Variants in STK11IP observed in about 807,000 individuals in gnomAD.
The protein encoded by STK11IP is serine/threonine-protein kinase 11-interacting protein.
In STK11IP, 103 loss-of-function variants were observed where a neutral mutation model predicts 131.7. That is an observed-to-expected ratio of 0.78 (90% CI 0.67 to 0.92). The LOEUF is 0.92. Among genes scored for constraint, STK11IP ranks in the 40% least tolerant of loss-of-function variants. STK11IP has a pLI of 0.00. For missense variants in STK11IP, 1,315 were observed against 1,385.7 expected, an observed-to-expected ratio of 0.95 and a Z score of 0.81; for synonymous variants, 557 against 575.6, an observed-to-expected ratio of 0.97 and a Z score of 0.46.
In STK11IP at chr2:219,613,196, G is replaced by A; in HGVS notation, c.2508G>A (p.Leu836=). 1.2e-6 allele frequency: 2 copies of A among 1,609,096 alleles called. No homozygotes were observed. Among genetic ancestry groups the A allele is most frequent in the Non-Finnish European group, 1.7e-6 (2 of 1,178,196 alleles). The change falls in exon 20 of 25, where the codon CTG becomes CTA. Residue 836 remains leucine, a synonymous_variant. Transcript: ENST00000456909. The part of the protein sequence containing the change: ...MCLVVVSDRR[L]YLLKVTGEMR... ...TTGTGGTTGTGTCTGACCGCAGGCTGTACCTGTTGAAGGTGACTGGGGAGA... is the reference window on the plus strand; with the variant it reads ...TTGTGGTTGTGTCTGACCGCAGGCTATACCTGTTGAAGGTGACTGGGGAGA...
At chr2:219,600,476 G>C (rs949673953) in intron 2 of STK11IP, among the ~76,000 whole-genome samples, 4 of 152,162 alleles carry the variant, frequency 2.6e-5, no homozygotes, top group African/African-American at 9.7e-5. Flanking sequence ...GGATACAGGG[G>C]ACCTTTCTGT....
intron 20 of STK11IP, 21 bp downstream of exon 20, chr2:219,613,246 A>C: frequency 1.0e-6 from 1 of 963,638 alleles, no homozygotes; most frequent in Non-Finnish European, 1.5e-6. Flanking sequence ...GGGGAGATGC[A>C]GTGAGTAAGG....
In STK11IP at chr2:219,605,743, G is replaced by A. The variant is rs1345428964; in HGVS notation, c.745+9G>A. On this transcript the variant is annotated intron_variant, in intron 8 of 24. Transcript: ENST00000456909. The stretch of plus-strand genomic sequence containing the variant: ...GCTTCGGAGCCTGCATGGTGAGTGG[G>A]GGTGTGTGATGGGGCAAGCATGGAG... 4.4e-6 allele frequency: 7 copies of A among 1,597,732 alleles called. No homozygotes were observed. The highest frequency in any genetic ancestry group is 1.1e-5 in the South Asian group (1 of 88,402).
chr2:219,601,410 C>A lies in STK11IP; in HGVS notation c.237C>A (p.Phe79Leu). 6.2e-7 allele frequency: 1 copy of A among 1,614,008 alleles called. No individual in the cohort carries two copies. ...TTATTCTTCAGCTTCAGTTTCTCTTCGATGTGCTGCAGAAAACACTTTCAC... is the reference window on the plus strand; with the variant it reads ...TTATTCTTCAGCTTCAGTTTCTCTTAGATGTGCTGCAGAAAACACTTTCAC... ...SPVILQLQFL[F>L]DVLQKTLSLK... The change falls in exon 3 of 25, where the codon TTC (phenylalanine) becomes TTA (leucine). Residue 79 changes from phenylalanine to leucine, a missense_variant. Physicochemically the swap from Phe to Leu is conservative, Grantham distance 22. Transcript: ENST00000456909.
chr2:219,606,853 G>T lies in STK11IP; in HGVS notation c.1129G>T (p.Val377Phe). The T allele has an allele frequency of 6.2e-7, 1 of 1,610,522 alleles. No homozygotes were observed. The change falls in exon 12 of 25, where the codon GTT (valine) becomes TTT (phenylalanine). Residue 377 changes from valine (V) to phenylalanine (F), a missense_variant. Val to Phe is a conservative substitution (Grantham distance 50, BLOSUM62 -1). Coordinates refer to ENST00000456909, the MANE Select transcript of STK11IP (RefSeq NM_052902.4). ...GVVTQPLLHK[V>F]KSRVRVRRAS... ...TGTGACCCAGCCCCTGCTTCATAAG[G>T]TTAAGGTAAGCAGCGTCCTCCGCTG...
At chr2:219,611,162 C>T (rs1698384389) in intron 17 of STK11IP, among the ~76,000 whole-genome samples, 1 of 152,188 alleles carries the variant, frequency 6.6e-6, no homozygotes. Flanking sequence ...CCCATGATTA[C>T]AGAGCCATTA....
intron 2 of STK11IP, among the ~76,000 whole-genome samples, chr2:219,600,566 A>T (rs2106145042): frequency 6.6e-6 from 1 of 152,338 alleles, no homozygotes; most frequent in African/African-American, 2.4e-5. Context: ...CCTAGCTTGT[A>T]GCTGCACTTT....
chr2:219,611,573 C>A, intron 17 of STK11IP, 31 bp from the exon 18 acceptor site: 1 of 1,554,882 alleles, frequency 6.4e-7, no homozygotes, highest in Non-Finnish European at 8.9e-7. Flanking sequence ...GTGGGGGGGG[C>A]TCATGGGGAC....
chr2:219,608,132 T>C lies in STK11IP; in HGVS notation c.1305T>C (p.Ser435=), dbSNP rs1468263529. ...GCCGCAACTGGCTGCAGTACAGGAG[T>C]CACCTGGAGCCCTCCGGAAACCCTC... The part of the protein sequence containing the change: ...RFGRNWLQYR[S]HLEPSGNPLP... Residue 435 remains serine (S), a synonymous_variant, in exon 14 of 25, where the codon AGT becomes AGC. Coordinates refer to ENST00000456909, the MANE Select transcript of STK11IP (RefSeq NM_052902.4). 1.2e-6 allele frequency: 2 copies of C among 1,613,000 alleles called. No homozygotes were observed. Among genetic ancestry groups the C allele is most frequent in the Admixed American group, 1.7e-5 (1 of 59,972 alleles).
chr2:219,609,876 A>G (rs923184752), intron 17 of STK11IP, among the ~76,000 whole-genome samples: 1 of 152,068 alleles, frequency 6.6e-6, no homozygotes, highest in African/African-American at 2.4e-5. Context: ...TTCAGACACT[A>G]CATAAAACCT....
rs371492791 is a variant in STK11IP, at chr2:219,608,141, G to A, written c.1314G>A (p.Glu438=). The part of the protein sequence containing the change: ...RNWLQYRSHL[E]PSGNPLPATP... ...GGCTGCAGTACAGGAGTCACCTGGA[G>A]CCCTCCGGAAACCCTCTGCCGGCCA... Residue 438 remains glutamate (E), a synonymous_variant, in exon 14 of 25, where the codon GAG becomes GAA. Coordinates refer to ENST00000456909, the MANE Select transcript of STK11IP (RefSeq NM_052902.4). 1.5e-4 allele frequency: 238 copies of A among 1,613,476 alleles called. 1 individual carries two copies. The African/African-American group carries it at 2.3e-3, about 16-fold the overall frequency.
Position 219,597,869 on chromosome 2 carries a change from T to C in STK11IP, c.-81T>C. On this transcript the variant is annotated 5_prime_UTR_variant, in exon 1 of 25. Coordinates refer to ENST00000456909, the MANE Select transcript of STK11IP (RefSeq NM_052902.4). ...CTTCCGGGGCGGGACTTCCTTTCCA[T>C]CATTGATAGGCGCCGGGCAGCTGAG... The C allele has an allele frequency of 1.9e-6, 3 of 1,601,400 alleles. No homozygotes were observed. Among genetic ancestry groups the C allele is most frequent in the Non-Finnish European group, 2.6e-6 (3 of 1,174,554 alleles).
chr2:219,602,865 C>T (rs1645687446), intron 7 of STK11IP, 89 bp downstream of exon 7: 12 of 1,317,106 alleles, frequency 9.1e-6, no homozygotes, highest in Non-Finnish European at 1.3e-5. Context: ...TTTACTCCCA[C>T]CTTGCTCTTG....
chr2:219,597,891 T>C lies in STK11IP; in HGVS notation c.-59T>C. ...CCATCATTGATAGGCGCCGGGCAGC[T>C]GAGCTGGTAGGAGGACCAGACGGGG... On this transcript the variant is annotated 5_prime_UTR_variant, in exon 1 of 25. Coordinates refer to ENST00000456909, the MANE Select transcript of STK11IP (RefSeq NM_052902.4). 1 of 1,609,808 alleles carries C rather than the reference T, an allele frequency of 6.2e-7. No individual in the cohort carries two copies. Among genetic ancestry groups the C allele is most frequent in the Non-Finnish European group, 8.5e-7 (1 of 1,178,130 alleles).
chr2:219,602,390 G>A (rs1261723130), intron 5 of STK11IP, 78 bp from the exon 6 acceptor site: 5 of 1,080,688 alleles, frequency 4.6e-6, no homozygotes, highest in Non-Finnish European at 6.9e-6. Context: ...ATGAATGAGT[G>A]ACTGGGTGGT....
At chr2:219,599,990 C>A (rs1447307726) in intron 2 of STK11IP, among the ~76,000 whole-genome samples, 1 of 151,094 alleles carries the variant, frequency 6.6e-6, no homozygotes, top group Non-Finnish European at 1.5e-5. Flanking sequence ...CCCGCCTTGG[C>A]CTCCCAAAGT....
At chr2:219,611,538 T>G in intron 17 of STK11IP, 66 bp from the exon 18 acceptor site, 9 of 1,342,144 alleles carry the variant, frequency 6.7e-6, no homozygotes, top group South Asian at 1.2e-5. Context: ...AGGAGCATCG[T>G]GAGCATGGTG....
chr2:219,614,405 TC>T, intron 22 of STK11IP, 70 bp from the exon 23 acceptor site: 1 of 1,566,808 alleles, frequency 6.4e-7, no homozygotes, highest in South Asian at 1.1e-5. Context: ...AGGGCTTTCT[TC>T]CCACTCCCCT....
intron 8 of STK11IP, 104 bp downstream of exon 8, chr2:219,605,838 G>A (rs1698132468): frequency 1.3e-6 from 2 of 1,487,284 alleles, no homozygotes; most frequent in African/African-American, 1.4e-5. Flanking sequence ...GAGGGCTTAT[G>A]GGGAGTGCAG....
Sources: gnomAD v4.1 joint callset for allele counts (sites outside exome capture counted in the v4.1 genomes callset) on GRCh38, gnomAD v4.1.1 for gene constraint, MANE v1.5 for transcripts, NCBI Gene and HGNC (gene_info 2026-07-23, HGNC 2026-07-21) for gene names.